The following TEP1 variants were observed in gnomAD, a reference collection of about 807,000 sequenced individuals.
The protein encoded by TEP1 is telomerase associated protein 1, also known as telomerase protein component 1.
Under a neutral mutation model 306.3 loss-of-function variants are expected in TEP1, and 241 were observed. That is an observed-to-expected ratio of 0.79 (90% CI 0.71 to 0.88). The LOEUF (loss-of-function observed/expected upper bound fraction) is 0.88, where lower values mean the gene tolerates loss of function less well. Among genes scored for constraint, TEP1 ranks in the 40% least tolerant of loss-of-function variants. The probability of loss-of-function intolerance (pLI) is 0.00; values close to 1 mark genes in which losing one functional copy is unlikely to be tolerated. For missense variants in TEP1, 3,051 were observed against 3,276.1 expected, an observed-to-expected ratio of 0.93 and a Z score of 1.68; for synonymous variants, 1,289 against 1,305.5, an observed-to-expected ratio of 0.99 and a Z score of 0.27.
chr14:20,391,889 C>A, intron 12 of TEP1, 122 bp from the exon 13 acceptor site: 1 of 1,032,746 alleles, frequency 9.7e-7, no homozygotes. Flanking sequence ...GCACCATACC[C>A]GCTTCCACAG....
intron 43 of TEP1, among the ~76,000 whole-genome samples, chr14:20,374,965 C>T (rs1384743194): frequency 6.6e-6 from 1 of 151,886 alleles, no homozygotes; most frequent in Non-Finnish European, 1.5e-5. Context: ...GTGGCAGGTG[C>T]CTATAATCTC....
chr14:20,408,498 G>C (rs780599509), intron 1 of TEP1, 35 bp from the exon 2 acceptor site: 482 of 1,513,070 alleles, frequency 3.2e-4, no homozygotes, highest in Non-Finnish European at 4.2e-4. Context: ...TGAGCACCTG[G>C]CTGCACTGAG....
Position 20,380,446 on chromosome 14 carries a change from G to A in TEP1, c.4792C>T (p.Leu1598Phe). The change falls in exon 34 of 55, where the codon CTC (leucine) becomes TTC (phenylalanine). Residue 1598 changes from leucine to phenylalanine, a missense_variant. Leu to Phe is a conservative substitution (Grantham distance 22). Coordinates refer to ENST00000262715, the MANE Select transcript of TEP1 (RefSeq NM_007110.5). ...AACACTGCAACGTCAGCCTCGGGGA[G>A]CTTTTGTTCCTCTTTGGGGACTGAA... ...ASSVPKEEQK[L>F]PEADVAVFRT... 1.9e-6 allele frequency: 3 copies of A among 1,613,828 alleles called. No individual in the cohort carries two copies. Among genetic ancestry groups the A allele is most frequent in the Non-Finnish European group, 2.5e-6 (3 of 1,179,986 alleles).
In TEP1 at chr14:20,383,794, G is replaced by A. The variant is rs748253952; in HGVS notation, c.3659C>T (p.Thr1220Ile). Reference protein sequence around the residue: ...LALTLLRRLCTYLRGQLKEPG... With the variant: ...LALTLLRRLCIYLRGQLKEPG... ...CTCTTTTAGTTGGCCACGCAGATAG[G>A]TACAGAGGCGTCTGAGCAGAGTGAG... Residue 1220 changes from threonine to isoleucine, a missense_variant, in exon 25 of 55, where the codon ACC becomes ATC. Thr to Ile is a moderately conservative substitution (Grantham distance 89, BLOSUM62 -1). Around this residue, in one of 3 missense-constraint regions of TEP1, gnomAD observed 1,507 missense variants for 1,550.5 expected, o/e 0.97. Transcript: ENST00000262715. The A allele has an allele frequency of 2.2e-5, 35 of 1,610,702 alleles. No individual in the cohort carries two copies. The Admixed American group carries it at 2.2e-4, about 10-fold the overall frequency.
Position 20,383,562 on chromosome 14 carries a change from T to C in TEP1, c.3793A>G (p.Ile1265Val). 6.2e-7 allele frequency: 1 copy of C among 1,614,172 alleles called. No individual in the cohort carries two copies. Among genetic ancestry groups the C allele is most frequent in the Non-Finnish European group, 8.5e-7 (1 of 1,180,040 alleles). Reference protein sequence around the residue: ...LHPGQTQVLIIDGADRLVDQN... With the variant: ...LHPGQTQVLIVDGADRLVDQN... Reference sequence around the variant, plus strand: ...TCCACTAACCTATCAGCCCCATCGATGATCAGGACCTGGGTCTGGCCAGGA... The same window carrying C: ...TCCACTAACCTATCAGCCCCATCGACGATCAGGACCTGGGTCTGGCCAGGA... Residue 1265 changes from isoleucine (I) to valine (V), a missense_variant, in exon 26 of 55, where the codon ATC (isoleucine) becomes GTC (valine). Coordinates refer to ENST00000262715, the MANE Select transcript of TEP1 (RefSeq NM_007110.5).
At chr14:20,411,456 A>C (rs1304664242) in intron 1 of TEP1, among the ~76,000 whole-genome samples, 1 of 152,120 alleles carries the variant, frequency 6.6e-6, no homozygotes, top group Non-Finnish European at 1.5e-5. Context: ...TCCTCCAAAA[A>C]GCCTGTGCTG....
chr14:20,404,286 C>T (rs1363412785), intron 5 of TEP1, among the ~76,000 whole-genome samples: 1 of 142,454 alleles, frequency 7.0e-6, no homozygotes, highest in African/African-American at 2.7e-5. Flanking sequence ...ACCTGGGAGG[C>T]GGAGGTTGCA....
intron 53 of TEP1, 138 bp downstream of exon 53, chr14:20,369,206 C>T: frequency 1.2e-6 from 1 of 854,408 alleles, no homozygotes; most frequent in Non-Finnish European, 1.8e-6. Context: ...GATGGGGTTT[C>T]ACCGTGTTAG....
rs1884516671 is a variant in TEP1, at chr14:20,367,167, C to A, written c.*1270G>T. ...TAACCTGAGGTCAGGAGTTTGAGAC[C>A]CACCTGGCCAACATGGTGAAACTTC... On this transcript the variant is annotated 3_prime_UTR_variant, in exon 55 of 55. Coordinates refer to ENST00000262715, the MANE Select transcript of TEP1 (RefSeq NM_007110.5). 1 of 152,124 alleles carries A rather than the reference C, an allele frequency of 6.6e-6. No individual in the cohort carries two copies. The highest frequency in any genetic ancestry group is 2.4e-5 in the African/African-American group (1 of 41,410). The allele number at this position is 152,124 out of a possible 1,614,324, so 9.4% of individuals were successfully genotyped here. A position where few individuals can be genotyped will look rare whatever the true frequency, so the allele number is the denominator to read the frequency against.
At chr14:20,380,551 G>A (rs2139047263) in intron 33 of TEP1, 76 bp from the exon 34 acceptor site, 4 of 1,526,556 alleles carry the variant, frequency 2.6e-6, no homozygotes, top group Non-Finnish European at 3.5e-6. Flanking sequence ...AAACCATATG[G>A]TGTGTCTACA....
intron 37 of TEP1, 77 bp from the exon 38 acceptor site, chr14:20,378,612 C>G: frequency 6.2e-7 from 1 of 1,602,100 alleles, no homozygotes; most frequent in South Asian, 1.1e-5. Flanking sequence ...CCAGGAGCAA[C>G]CTTGTCCAGT....
intron 41 of TEP1, among the ~76,000 whole-genome samples, chr14:20,376,861 G>A (rs542812842): frequency 2.0e-4 from 31 of 152,338 alleles, no homozygotes; most frequent in Admixed American, 1.2e-3. Flanking sequence ...AATCGCACAT[G>A]TGTATTTTCA....
chr14:20,389,368 C>T, intron 16 of TEP1, 71 bp from the exon 17 acceptor site: 1 of 1,567,012 alleles, frequency 6.4e-7, no homozygotes, highest in Non-Finnish European at 8.8e-7. Flanking sequence ...CCACTAACAT[C>T]CCAAGATGAA....
rs375058465 is a variant in TEP1, at chr14:20,372,465, T to C, written c.7076+268A>G. On this transcript the variant is annotated intron_variant, in intron 49 of 54. Transcript: ENST00000262715. ...GAATAGTGCTGCTGGTTTAAATATATGCACATTCCTCTACTGTGAGCTTCC... is the reference window on the plus strand; with the variant it reads ...GAATAGTGCTGCTGGTTTAAATATACGCACATTCCTCTACTGTGAGCTTCC... Among the ~76,000 whole-genome samples the C allele has an allele frequency of 2.8e-3, 429 of 152,130 alleles. 5 individuals are homozygous for C. The Middle Eastern group carries it at 0.034, about 12-fold the overall frequency.
chr14:20,373,499 G>C lies in TEP1; in HGVS notation c.6681+8C>G. 1 of 1,614,170 alleles carries C rather than the reference G, an allele frequency of 6.2e-7. No homozygotes were observed. Among genetic ancestry groups the C allele is most frequent in the Non-Finnish European group, 8.5e-7 (1 of 1,180,020 alleles). The stretch of plus-strand genomic sequence containing the variant: ...CCTCCCTTGACTCTGGTCCTTGCAG[G>C]AACTCACCAAGAGTGGATGCCATAA... On this transcript the variant is annotated splice_region_variant and intron_variant, in intron 46 of 54. Coordinates refer to ENST00000262715, the MANE Select transcript of TEP1 (RefSeq NM_007110.5).
Position 20,377,421 on chromosome 14 carries a change from A to T in TEP1, c.5947T>A (p.Leu1983Met), listed in dbSNP as rs765313857. The T allele has an allele frequency of 4.3e-6, 7 of 1,614,068 alleles. No homozygotes were observed. Among genetic ancestry groups the T allele is most frequent in the Non-Finnish European group, 5.9e-6 (7 of 1,180,002 alleles). Reference sequence around the variant, plus strand: ...GACCCATCTTCTGCACCACTCACCAATACCTTGGGGCTTAGCCAGGCCAGG... The same window carrying T: ...GACCCATCTTCTGCACCACTCACCATTACCTTGGGGCTTAGCCAGGCCAGG... ...SALAWLSPKV[L>M]VSGAEDGSLQ... Residue 1983 changes from leucine to methionine, a missense_variant, in exon 41 of 55, where the codon TTG becomes ATG. Leu to Met is a conservative substitution (Grantham distance 15). Coordinates refer to ENST00000262715, the MANE Select transcript of TEP1 (RefSeq NM_007110.5).
chr14:20,377,526 C>G, intron 40 of TEP1, 34 bp from the exon 41 acceptor site: 2 of 1,612,274 alleles, frequency 1.2e-6, no homozygotes, highest in Non-Finnish European at 1.7e-6. Flanking sequence ...GAGTAAGACA[C>G]TTGGGAAGGG....
At chr14:20,379,682 G>T (rs1446259927) in intron 35 of TEP1, among the ~76,000 whole-genome samples, 1 of 152,174 alleles carries the variant, frequency 6.6e-6, no homozygotes, top group African/African-American at 2.4e-5. Context: ...TGACCACTTG[G>T]TGGGCAATGA....
chr14:20,396,625 T>C lies in TEP1; in HGVS notation c.1655A>G (p.His552Arg), dbSNP rs1215802996. ...CTACCAGCCCCTCACACATACCGCA[T>C]GCTGGAGTCTCTGGAGAATGAGCTC... is the stretch of plus-strand genomic sequence containing the variant. ...HHELILQRLQ[H>R]AKSVIHSRQF... The change falls in exon 10 of 55, where the codon CAT (histidine) becomes CGT (arginine). Residue 552 changes from histidine (H) to arginine (R), a missense_variant. His to Arg is a conservative substitution (Grantham distance 29). This residue lies in a region of TEP1 where 1,507 missense variants were observed against 1,550.5 expected (regional missense o/e 0.97). Transcript: ENST00000262715. 2 of 1,607,580 alleles carry C rather than the reference T, an allele frequency of 1.2e-6. No homozygotes were observed. The highest frequency in any genetic ancestry group is 2.2e-5 in the East Asian group (1 of 44,670).
Sources: gnomAD v4.1 joint callset for allele counts (sites outside exome capture counted in the v4.1 genomes callset) on GRCh38, gnomAD v4.1.1 for gene constraint, gnomAD v4.1.1 regional missense constraint, MANE v1.5 for transcripts, NCBI Gene and HGNC (gene_info 2026-07-23, HGNC 2026-07-21) for gene names.